The following MRAP2 variants were observed in gnomAD, a reference collection of about 807,000 sequenced individuals.
MRAP2 encodes the protein melanocortin 2 receptor accessory protein 2, also known as melanocortin-2 receptor accessory protein 2.
A neutral mutation model predicts 17.4 loss-of-function variants in MRAP2; 20 were observed. That is an observed-to-expected ratio of 1.15 (90% CI 0.81 to 1.67). MRAP2 has a LOEUF of 1.67. Ranked by LOEUF, MRAP2 falls within the 40% of genes most tolerant of loss-of-function variation. The pLI is 0.00. For missense variants in MRAP2, 238 were observed against 240.0 expected, an observed-to-expected ratio of 0.99 and a Z score of 0.05; for synonymous variants, 96 against 88.4, an observed-to-expected ratio of 1.09 and a Z score of -0.48.
At chr6:84,061,466 C>T (rs966615133) in intron 2 of MRAP2, among the ~76,000 whole-genome samples, 1 of 152,116 alleles carries the variant, frequency 6.6e-6, no homozygotes, top group Non-Finnish European at 1.5e-5. Context: ...GATTGTTATC[C>T]AAGATAGGAC....
intron 3 of MRAP2, among the ~76,000 whole-genome samples, chr6:84,078,868 C>G (rs2099498270): frequency 6.6e-6 from 1 of 152,156 alleles, no homozygotes; most frequent in African/African-American, 2.4e-5. Context: ...ACATAAACTT[C>G]TTTTATTTGT....
the MRAP2 span, among the ~76,000 whole-genome samples, chr6:84,135,635 G>A: frequency 6.6e-6 from 1 of 152,124 alleles, no homozygotes; most frequent in African/African-American, 2.4e-5. Flanking sequence ...GGCTGAGACG[G>A]GTGAATCACT....
chr6:84,063,160 G>A (rs1176095101), intron 3 of MRAP2, 168 bp downstream of exon 3: 1 of 985,322 alleles, frequency 1.0e-6, no homozygotes. Context: ...TATTCTCCTG[G>A]CTTTTTGTTT....
intron 1 of MRAP2, among the ~76,000 whole-genome samples, chr6:84,049,077 A>G (rs966885880): frequency 5.3e-5 from 8 of 152,166 alleles, no homozygotes; most frequent in African/African-American, 1.9e-4. Flanking sequence ...GCTGAAGTCT[A>G]TTAGAATGGG....
At chr6:84,065,278 C>T (rs1334378781) in intron 3 of MRAP2, among the ~76,000 whole-genome samples, 4 of 140,704 alleles carry the variant, frequency 2.8e-5, no homozygotes, top group Middle Eastern at 3.7e-3. Flanking sequence ...GAGTAAGACC[C>T]TGTCTCAAAA....
At chr6:84,121,734 A>G in the MRAP2 span, among the ~76,000 whole-genome samples, 455 of 152,274 alleles carry the variant, frequency 3.0e-3, 2 homozygotes, top group African/African-American at 1.0e-2. Context: ...AGGCAGAAAT[A>G]AGAAAATTCT....
intron 3 of MRAP2, among the ~76,000 whole-genome samples, chr6:84,078,729 G>T (rs1431011888): frequency 1.3e-5 from 2 of 152,158 alleles, no homozygotes; most frequent in Non-Finnish European, 2.9e-5. Context: ...CTGCTATAAT[G>T]CCAGGACACT....
At chr6:84,107,010 G>T in the MRAP2 span, among the ~76,000 whole-genome samples, 2 of 152,108 alleles carry the variant, frequency 1.3e-5, no homozygotes, top group Non-Finnish European at 2.9e-5. Flanking sequence ...AAATCGTAAA[G>T]GCTTGAGCTT....
chr6:84,035,340 C>A (rs2099485695), intron 1 of MRAP2: 1 of 769,658 alleles, frequency 1.3e-6, no homozygotes, highest in East Asian at 1.3e-4. Flanking sequence ...AGAACAAATT[C>A]TTTAAGATAG....
At chr6:84,045,468 A>AT (rs1215019478) in intron 1 of MRAP2, among the ~76,000 whole-genome samples, 36 of 152,144 alleles carry the variant, frequency 2.4e-4, no homozygotes, top group African/African-American at 7.5e-4. Flanking sequence ...TGAAAAAAAA[A>AT]AATATACACA....
At chr6:84,104,303 G>A in the MRAP2 span, among the ~76,000 whole-genome samples, 1 of 152,106 alleles carries the variant, frequency 6.6e-6, no homozygotes, top group African/African-American at 2.4e-5. Context: ...TTCCTCCTAG[G>A]CCTCTGTGCC....
At chr6:84,059,759 G>T (rs2497115) in intron 2 of MRAP2, among the ~76,000 whole-genome samples, 57,445 of 152,074 alleles carry the variant, frequency 0.38, 14,308 homozygotes, top group African/African-American at 0.72. Flanking sequence ...GTAGCTTGGC[G>T]GTGGTGGAAA....
intron 2 of MRAP2, chr6:84,061,923 G>A (rs1021753700): frequency 8.6e-5 from 85 of 985,290 alleles, no homozygotes; most frequent in East Asian, 2.3e-4. Flanking sequence ...TCATGAAAGA[G>A]CAATATCATC....
intron 1 of MRAP2, among the ~76,000 whole-genome samples, chr6:84,054,353 G>A (rs995559525): frequency 3.3e-5 from 5 of 152,104 alleles, no homozygotes; most frequent in Non-Finnish European, 5.9e-5. Flanking sequence ...TCCGTGCTGC[G>A]CAGTGCAACC....
chr6:84,124,101 C>A, the MRAP2 span: 3 of 151,996 alleles, frequency 2.0e-5, no homozygotes, highest in South Asian at 6.2e-4. Flanking sequence ...AACATGAATA[C>A]TCTCTTGGTG....
Position 84,047,680 on chromosome 6 carries a change from T to C in MRAP2, c.-7-7632T>C, listed in dbSNP as rs193199394. 1.7e-3 allele frequency among the ~76,000 whole-genome samples: 254 copies of C among 152,316 alleles called. 4 individuals carry two copies. Among genetic ancestry groups the C allele is most frequent in the African/African-American group, 5.8e-3 (243 of 41,568 alleles). ...TCTCAAACTGAAACTCTTTTACTGG[T>C]AAATAACAATTTCCCATTTCCCTAC... On this transcript the variant is annotated intron_variant, in intron 1 of 3. Transcript: ENST00000257776.
At chr6:84,131,418 G>A in the MRAP2 span, among the ~76,000 whole-genome samples, 12 of 152,084 alleles carry the variant, frequency 7.9e-5, no homozygotes, top group African/African-American at 2.9e-4. Flanking sequence ...TTTCTGTCTC[G>A]TTGATCTGTC....
At chr6:84,064,637 A>C (rs145916896) in intron 3 of MRAP2, among the ~76,000 whole-genome samples, 1 of 152,022 alleles carries the variant, frequency 6.6e-6, no homozygotes, top group Non-Finnish European at 1.5e-5. Flanking sequence ...ACAGGCACCC[A>C]CCACCACGCC....
chr6:84,052,410 C>G (rs138035390), intron 1 of MRAP2, among the ~76,000 whole-genome samples: 134 of 152,228 alleles, frequency 8.8e-4, no homozygotes, highest in Admixed American at 4.3e-3. Context: ...CTGGCAGTTC[C>G]CAGCTTATGT....
Sources: allele counts gnomAD v4.1 joint callset (sites outside exome capture counted in the v4.1 genomes callset), GRCh38; gene constraint gnomAD v4.1.1; transcripts MANE v1.5; gene names NCBI Gene and HGNC (gene_info 2026-07-23, HGNC 2026-07-21).